Variants in PATJ observed in about 807,000 individuals in gnomAD.
PATJ encodes the protein inaD-like protein.
In PATJ, 190 loss-of-function variants were observed where a neutral mutation model predicts 224.9. The ratio of observed to expected loss-of-function variants is 0.84; its 90% CI spans 0.75 to 0.95. The LOEUF is 0.95. PATJ is among the 40% of genes least tolerant of loss of function. PATJ has a pLI of 0.00. For synonymous variants in PATJ, 769 were observed against 820.3 expected, an observed-to-expected ratio of 0.94 and a Z score of 1.07; for missense variants, 2,121 against 2,270.3, an observed-to-expected ratio of 0.93 and a Z score of 1.34.
chr1:61,978,245 CTCCTTCCT>C (rs1214880003), intron 27 of PATJ, among the ~76,000 whole-genome samples: 1 of 131,926 alleles, frequency 7.6e-6, no homozygotes, highest in Non-Finnish European at 1.7e-5. Flanking sequence ...CCCTCCCTCC[CTCCTTCCT>C]TCCTTTATTC....
At chr1:62,135,682 A>G (rs1666786845) in intron 41 of PATJ, among the ~76,000 whole-genome samples, 1 of 152,220 alleles carries the variant, frequency 6.6e-6, no homozygotes, top group Non-Finnish European at 1.5e-5. Context: ...GAATCCTTTT[A>G]CTAAAGTCTC....
At chr1:62,155,829 A>G (rs1432740863) in intron 43 of PATJ, among the ~76,000 whole-genome samples, 1 of 151,466 alleles carries the variant, frequency 6.6e-6, no homozygotes, top group Non-Finnish European at 1.5e-5. Context: ...AGGCCGAGGC[A>G]GGCAGATCAC....
intron 31 of PATJ, among the ~76,000 whole-genome samples, chr1:62,054,688 G>C (rs1654242008): frequency 6.6e-6 from 1 of 152,152 alleles, no homozygotes. Flanking sequence ...GAACTTGAAT[G>C]AAAGTACTTG....
At chr1:61,793,903 ATTT>A (rs35202164) in intron 9 of PATJ, among the ~76,000 whole-genome samples, 2 of 137,050 alleles carry the variant, frequency 1.5e-5, no homozygotes. Context: ...TTCTTCTACA[ATTT>A]TTTTTTTTTT....
chr1:62,159,574 T>C (rs542418689), intron 43 of PATJ, among the ~76,000 whole-genome samples: 1,278 of 112,920 alleles, frequency 0.011, 17 homozygotes, highest in African/African-American at 0.035. Flanking sequence ...TTTTTTTTTT[T>C]CCTGAGACAG....
At chr1:62,145,024 A>G (rs1448488084) in intron 41 of PATJ, among the ~76,000 whole-genome samples, 1 of 151,982 alleles carries the variant, frequency 6.6e-6, no homozygotes, top group East Asian at 1.9e-4. Flanking sequence ...CATGTTACCC[A>G]GGCTGGTCTT....
At chr1:62,035,318 G>A (rs1650170080) in intron 29 of PATJ, among the ~76,000 whole-genome samples, 2 of 152,142 alleles carry the variant, frequency 1.3e-5, no homozygotes, top group South Asian at 4.1e-4. Context: ...CTTTGGTTTG[G>A]TTCACGCCTA....
At chr1:62,004,970 G>A (rs1289140073) in intron 28 of PATJ, among the ~76,000 whole-genome samples, 2 of 152,080 alleles carry the variant, frequency 1.3e-5, no homozygotes, top group African/African-American at 4.8e-5. Context: ...CTATGACAAT[G>A]CATCTACATC....
intron 28 of PATJ, among the ~76,000 whole-genome samples, chr1:62,016,463 T>C (rs1187588652): frequency 6.6e-6 from 1 of 152,192 alleles, no homozygotes; most frequent in East Asian, 1.9e-4. Flanking sequence ...ATAGTAGAAA[T>C]TGTCAATGCC....
intron 13 of PATJ, among the ~76,000 whole-genome samples, chr1:61,805,862 A>AT (rs901739909): frequency 1.4e-4 from 22 of 152,324 alleles, no homozygotes; most frequent in East Asian, 9.6e-4. Flanking sequence ...AATTGCTGGC[A>AT]TTTTTATGAT....
intron 27 of PATJ, among the ~76,000 whole-genome samples, chr1:61,953,580 G>T (rs890710741): frequency 2.6e-5 from 4 of 152,196 alleles, no homozygotes; most frequent in Admixed American, 1.3e-4. Flanking sequence ...AGTGACAACT[G>T]TCTGACTATA....
chr1:61,954,289 A>G (rs1209118306), intron 27 of PATJ, among the ~76,000 whole-genome samples: 2 of 152,142 alleles, frequency 1.3e-5, no homozygotes, highest in Non-Finnish European at 2.9e-5. Context: ...GCATGTTTCT[A>G]TTTCATGTTT....
At position 61,766,301 on chromosome 1, in the gene PATJ, G is replaced by T; in HGVS notation, c.212G>T (p.Cys71Phe). The change falls in exon 4 of 44, where the codon TGT becomes TTT. Residue 71 changes from cysteine to phenylalanine, a missense_variant. Transcript: ENST00000642238. Reference sequence around the variant, plus strand: ...CAGCTCAACCATATACCCTCAGATTGTTCAGCCAACTTTGATTTTTCTAGG... The same window carrying T: ...CAGCTCAACCATATACCCTCAGATTTTTCAGCCAACTTTGATTTTTCTAGG... ...KGQLNHIPSD[C>F]SANFDFSRKG... 6.2e-7 allele frequency: 1 copy of T among 1,606,408 alleles called. No individual in the cohort carries two copies. Among genetic ancestry groups the T allele is most frequent in the South Asian group, 1.1e-5 (1 of 89,898 alleles).
chr1:62,111,082 G>A (rs76376901), intron 34 of PATJ, among the ~76,000 whole-genome samples: 2,685 of 152,276 alleles, frequency 0.018, 87 homozygotes, highest in African/African-American at 0.061. Context: ...AGCAGATACC[G>A]TCATGCTGGA....
intron 41 of PATJ, among the ~76,000 whole-genome samples, chr1:62,147,263 G>A (rs1484208415): frequency 6.6e-6 from 1 of 151,088 alleles, no homozygotes; most frequent in East Asian, 1.9e-4. Context: ...AAGCCCTGTG[G>A]CCCTCAGTTA....
intron 33 of PATJ, among the ~76,000 whole-genome samples, chr1:62,092,685 G>A (rs1660909521): frequency 6.6e-6 from 1 of 151,680 alleles, no homozygotes; most frequent in Non-Finnish European, 1.5e-5. Flanking sequence ...CAAAGTACAG[G>A]GATTACAGGT....
chr1:61,990,363 A>G lies in PATJ; in HGVS notation c.3866A>G (p.Glu1289Gly), dbSNP rs755871758. 2 of 1,607,286 alleles carry G rather than the reference A, an allele frequency of 1.2e-6. No homozygotes were observed. Among genetic ancestry groups the G allele is most frequent in the Non-Finnish European group, 1.7e-6 (2 of 1,176,626 alleles). Residue 1289 changes from glutamate to glycine, a missense_variant and splice_region_variant, in exon 28 of 44, where the codon GAG (glutamate) becomes GGG (glycine). By Grantham distance (98) the Glu-to-Gly change is moderately conservative (BLOSUM62 -2). Coordinates refer to ENST00000642238, the MANE Select transcript of PATJ (RefSeq NM_001350145.3). Reference sequence around the variant, plus strand: ...ATGCGTATTGGAGATGAACTCTTAGAGGTGAGAAGCATGTGTTTTTAACTT... The same window carrying G: ...ATGCGTATTGGAGATGAACTCTTAGGGGTGAGAAGCATGTGTTTTTAACTT... ...GRMRIGDELL[E>G]INNQILYGRS...
intron 41 of PATJ, among the ~76,000 whole-genome samples, chr1:62,144,776 A>AT (rs1558231355): frequency 0.017 from 1,652 of 95,584 alleles, 44 homozygotes; most frequent in African/African-American, 0.048. Context: ...CAAAAAAAAA[A>AT]AATATATATA....
At chr1:61,854,997 A>G (rs1663422877) in intron 17 of PATJ, among the ~76,000 whole-genome samples, 1 of 152,240 alleles carries the variant, frequency 6.6e-6, no homozygotes, top group Non-Finnish European at 1.5e-5. Context: ...TTTAGGTCAC[A>G]TTATTTATAA....
Sources: gnomAD v4.1 joint callset for allele counts (sites outside exome capture counted in the v4.1 genomes callset) on GRCh38, gnomAD v4.1.1 for gene constraint, MANE v1.5 for transcripts, NCBI Gene and HGNC (gene_info 2026-07-23, HGNC 2026-07-21) for gene names.